Variants in SCYGR5 observed in about 807,000 individuals in gnomAD.
SCYGR5 encodes the protein small cysteine and glycine repeat-containing protein 5.
rs558409510 is a variant in SCYGR5 at position 227,666,838 on chromosome 2, G to C, written c.35G>C (p.Cys12Ser). 1.2e-5 allele frequency: 5 copies of C among 400,504 alleles called. No homozygotes were observed. The East Asian group carries it at 1.8e-4, about 14-fold the overall frequency. 24.8% of individuals were successfully genotyped at this position (400,504 alleles called of 1,614,324 possible). Residue 12 changes from cysteine to serine, a missense_variant, in exon 1 of 1, where the codon TGC (cysteine) becomes TCC (serine). By Grantham distance (112) the Cys-to-Ser change is moderately radical (BLOSUM62 -1). Transcript: ENST00000641976. ...TGTGGTTGTGGAGGTTGTGGTGGCT[G>C]CGGTGGCGGCTGTGGTGGTGGCTGT...
At chr2:227,666,930 G>A (rs1340964334) in exon 1 of SCYGR5, 4 of 398,596 alleles carry the variant, frequency 1.0e-5, no homozygotes, top group Non-Finnish European at 1.8e-5. Flanking sequence ...CTGCTGCCGC[G>A]GCTGCTGTGG....
chr2:227,666,867 A>T, exon 1 of SCYGR5: 1 of 392,934 alleles, frequency 2.5e-6, no homozygotes, highest in Non-Finnish European at 4.4e-6. Context: ...TGGCTGTGGC[A>T]GCTGCACCAC....
chr2:227,666,881 C>A lies in SCYGR5; in HGVS notation c.78C>A (p.Cys26Ter). ...GTGGCTGTGGCAGCTGCACCACCTG[C>A]AGGTGCTACCGGGTGGGCTGCTGCT... Residue 26 changes from cysteine (C) to a stop codon, truncating the protein, a stop_gained, in exon 1 of 1, where the codon TGC becomes TGA. Transcript: ENST00000641976. LOFTEE classifies it high-confidence loss of function. 2.5e-6 allele frequency: 1 copy of A among 400,318 alleles called. No individual in the cohort carries two copies. The highest frequency in any genetic ancestry group is 3.6e-5 in the East Asian group (1 of 28,146). The allele number at this position is 400,318 out of a possible 1,614,324, so 24.8% of individuals were successfully genotyped here. A position where few individuals can be genotyped will look rare whatever the true frequency, so the allele number is the denominator to read the frequency against.
exon 1 of SCYGR5, chr2:227,667,032 G>T (rs187679881): frequency 0.1 from 41,026 of 399,050 alleles, 2,867 homozygotes; most frequent in African/African-American, 0.25. Flanking sequence ...CCAGCAGAAA[G>T]GCTGCTGCCA....
exon 1 of SCYGR5, chr2:227,667,004 C>T (rs1200345811): frequency 2.5e-6 from 1 of 399,278 alleles, no homozygotes. Flanking sequence ...GTGGCTGCGG[C>T]TGTGGGAAGG....
exon 1 of SCYGR5, chr2:227,666,897 GGCTGCTGCTCCA>G (rs1204140655): frequency 7.5e-6 from 3 of 399,382 alleles, no homozygotes; most frequent in Admixed American, 4.4e-5. Flanking sequence ...CTACCGGGTG[GGCTGCTGCTCCA>G]GCTGCTGCCC....
exon 1 of SCYGR5, chr2:227,666,874 C>T (rs1002644693): frequency 2.5e-6 from 1 of 393,732 alleles, no homozygotes. Flanking sequence ...GGCAGCTGCA[C>T]CACCTGCAGG....
In SCYGR5 at chr2:227,666,845, C is replaced by CGGCTGTGGT. The variant is rs1236450324; in HGVS notation, c.45_53dup (p.Cys16_Gly18dup). ...GTGGAGGTTGTGGTGGCTGCGGTGG[C>CGGCTGTGGT]GGCTGTGGTGGTGGCTGTGGCAGCT... On this transcript the variant is annotated inframe_insertion, in exon 1 of 1. Coordinates refer to ENST00000641976, the Ensembl canonical transcript of SCYGR5. 5 of 398,840 alleles carry CGGCTGTGGT rather than the reference C, an allele frequency of 1.3e-5. No individual in the cohort carries two copies. In the East Asian group the frequency reaches 1.4e-4, roughly 11 times the overall value. The allele number at this position is 398,840 out of a possible 1,614,324, so 24.7% of individuals were successfully genotyped here.
At position 227,667,001 on chromosome 2, in the gene SCYGR5, C is replaced by A; in HGVS notation, c.198C>A (p.Cys66Ter). 5 of 399,256 alleles carry A rather than the reference C, an allele frequency of 1.3e-5. No homozygotes were observed. The highest frequency in any genetic ancestry group is 2.2e-5 in the Non-Finnish European group (5 of 226,568). 24.7% of individuals were successfully genotyped at this position (399,256 alleles called of 1,614,324 possible). ...GCCGCACCTGCTGCTCATGTGGCTG[C>A]GGCTGTGGGAAGGGCTGTTGCCAGC... The change falls in exon 1 of 1, where the codon TGC becomes TGA. Residue 66 changes from cysteine to a stop codon, truncating the protein, a stop_gained. Coordinates refer to ENST00000641976, the Ensembl canonical transcript of SCYGR5. LOFTEE classifies it high-confidence loss of function.
chr2:227,666,891 C>T lies in SCYGR5; in HGVS notation c.88C>T (p.Arg30Trp), dbSNP rs543004267. 3.6e-3 allele frequency: 1,411 copies of T among 396,382 alleles called. 8 individuals are homozygous for T. The highest frequency in any genetic ancestry group is 3.9e-3 in the Non-Finnish European group (877 of 226,810). 24.6% of individuals were successfully genotyped at this position (396,382 alleles called of 1,614,324 possible). A position where few individuals can be genotyped will look rare whatever the true frequency, so the allele number is the denominator to read the frequency against. ...CAGCTGCACCACCTGCAGGTGCTACCGGGTGGGCTGCTGCTCCAGCTGCTG... is the reference window on the plus strand; with the variant it reads ...CAGCTGCACCACCTGCAGGTGCTACTGGGTGGGCTGCTGCTCCAGCTGCTG... Residue 30 changes from arginine to tryptophan, a missense_variant, in exon 1 of 1, where the codon CGG becomes TGG. By Grantham distance (101) the Arg-to-Trp change is moderately radical. Coordinates refer to ENST00000641976, the Ensembl canonical transcript of SCYGR5.
exon 1 of SCYGR5, chr2:227,667,014 G>A (rs911600586): frequency 4.5e-5 from 18 of 399,154 alleles, no homozygotes; most frequent in Non-Finnish European, 6.2e-5. Context: ...CTGTGGGAAG[G>A]GCTGTTGCCA....
exon 1 of SCYGR5, chr2:227,667,055 C>T (rs372344164): frequency 5.9e-4 from 234 of 399,188 alleles, no homozygotes; most frequent in Admixed American, 1.3e-3. Flanking sequence ...AGCAATGCTG[C>T]TGCTAGGCGG....
chr2:227,666,871 G>A (rs543720797), exon 1 of SCYGR5: 72 of 401,060 alleles, frequency 1.8e-4, no homozygotes, highest in East Asian at 2.8e-4. Context: ...TGTGGCAGCT[G>A]CACCACCTGC....
exon 1 of SCYGR5, chr2:227,666,875 C>T: frequency 2.5e-6 from 1 of 393,916 alleles, no homozygotes; most frequent in Non-Finnish European, 4.4e-6. Context: ...GCAGCTGCAC[C>T]ACCTGCAGGT....
At chr2:227,666,859 G>T in exon 1 of SCYGR5, 1 of 400,508 alleles carries the variant, frequency 2.5e-6, no homozygotes. Context: ...TGTGGTGGTG[G>T]CTGTGGCAGC....
chr2:227,666,830 T>TGGTGGCTGC (rs1278476987), exon 1 of SCYGR5: 29 of 400,342 alleles, frequency 7.2e-5, no homozygotes, highest in Middle Eastern at 6.2e-4. Flanking sequence ...GTGGAGGTTG[T>TGGTGGCTGC]GGTGGCTGCG....
exon 1 of SCYGR5, chr2:227,666,807 G>A: frequency 2.5e-6 from 1 of 400,192 alleles, no homozygotes; most frequent in Non-Finnish European, 4.4e-6. Flanking sequence ...TGACACCATG[G>A]GTTGCTGTGG....
chr2:227,666,969 T>A (rs1012316788), exon 1 of SCYGR5: 3 of 394,868 alleles, frequency 7.6e-6, no homozygotes, highest in African/African-American at 6.2e-5. Context: ...TGTGATCTGC[T>A]GCTGCCGCCG....
chr2:227,666,815 TGGTTGTGGA>T (rs1406317217), exon 1 of SCYGR5: 1 of 394,078 alleles, frequency 2.5e-6, no homozygotes, highest in East Asian at 3.6e-5. Context: ...TGGGTTGCTG[TGGTTGTGGA>T]GGTTGTGGTG....
Sources: gnomAD v4.1 joint callset for allele counts on GRCh38, gnomAD v4.1.1 for gene constraint, MANE v1.5 for transcripts, NCBI Gene and HGNC (gene_info 2026-07-23, HGNC 2026-07-21) for gene names.